Variants in SNX20 observed in about 807,000 individuals in gnomAD.
SNX20 encodes sorting nexin 20.
SNX20 carries 21 observed loss-of-function variants against 24.5 expected under a neutral mutation model. That is an observed-to-expected ratio of 0.86 (90% CI 0.61 to 1.23). The LOEUF (loss-of-function observed/expected upper bound fraction) is 1.23. Ranked by LOEUF, SNX20 falls within the 50% of genes most tolerant of loss-of-function variation. The probability of loss-of-function intolerance (pLI) is 0.00; values close to 1 mark genes in which losing one functional copy is unlikely to be tolerated. For missense variants in SNX20, 433 were observed against 430.8 expected, an observed-to-expected ratio of 1.00 and a Z score of -0.04; for synonymous variants, 206 against 192.8, an observed-to-expected ratio of 1.07 and a Z score of -0.57.
chr16:50,668,600 G>A, downstream of SNX20: 3 of 1,016,580 alleles, frequency 3.0e-6, no homozygotes, highest in Non-Finnish European at 3.5e-6. Flanking sequence ...AACAGGCTGT[G>A]GCATTGTTGG....
chr16:50,674,432 A>C (rs564757377), intron 3 of SNX20, among the ~76,000 whole-genome samples: 1 of 151,882 alleles, frequency 6.6e-6, no homozygotes, highest in South Asian at 2.1e-4. Flanking sequence ...TTTTTTTTAA[A>C]AGATGGGGTC....
chr16:50,677,580 G>T, intron 1 of SNX20, 45 bp from the exon 2 acceptor site: 1 of 1,450,194 alleles, frequency 6.9e-7, no homozygotes, highest in Non-Finnish European at 9.2e-7. Context: ...TCCAGTTGGG[G>T]TTCCCGGTGG....
chr16:50,680,571 G>A lies in SNX20; in HGVS notation c.-10+619C>T, dbSNP rs565695169. Among the ~76,000 whole-genome samples the A allele has an allele frequency of 8.5e-5, 13 of 152,296 alleles. 1 individual carries two copies. The South Asian group carries it at 2.3e-3, about 27-fold the overall frequency. On this transcript the variant is annotated intron_variant, in intron 1 of 3. Coordinates refer to ENST00000330943, the MANE Select transcript of SNX20 (RefSeq NM_182854.4). ...CACACTATCTTTCTGAGGGCCTGCG[G>A]AGGACTTTTCATGGGGGATGAGCCT...
chr16:50,674,070 T>C lies in SNX20; in HGVS notation c.287A>G (p.Tyr96Cys). ...CCCAGTCTGGATGACGATGATTTGG[T>C]ACACCTAGGGCGCAACCAGAGAGAG... ...EERKVSKFVV[Y>C]QIIVIQTGSF... Residue 96 changes from tyrosine to cysteine, a missense_variant, in exon 4 of 4, where the codon TAC becomes TGC. Transcript: ENST00000330943. 1 of 1,599,230 alleles carries C rather than the reference T, an allele frequency of 6.3e-7. No homozygotes were observed. The highest frequency in any genetic ancestry group is 8.5e-7 in the Non-Finnish European group (1 of 1,171,866).
downstream of SNX20, chr16:50,668,819 C>G: frequency 7.8e-7 from 1 of 1,278,586 alleles, no homozygotes; most frequent in Non-Finnish European, 9.9e-7. Context: ...AACAGAGTTC[C>G]AGCTATGGGG....
At chr16:50,674,145 T>C in intron 3 of SNX20, 71 bp from the exon 4 acceptor site, 1 of 1,504,320 alleles carries the variant, frequency 6.6e-7, no homozygotes, top group Non-Finnish European at 8.8e-7. Flanking sequence ...ACACCCAGAG[T>C]AAAGTTAACC....
At chr16:50,667,875 A>C, downstream of SNX20, 2 of 823,936 alleles carry the variant, frequency 2.4e-6, no homozygotes, top group East Asian at 5.4e-5. Context: ...CGGCGTGGGG[A>C]CTTTTGGAGG....
chr16:50,673,221 T>G lies in SNX20; in HGVS notation c.*185A>C. On this transcript the variant is annotated 3_prime_UTR_variant, in exon 4 of 4. Coordinates refer to ENST00000330943, the MANE Select transcript of SNX20 (RefSeq NM_182854.4). This position sits in a 1 kb window ranked among gnomAD's most constrained non-coding sequence, Gnocchi z 4.1. ...GAGGCTGAGGTGGGAGGATTGCTTG[T>G]GCCCAGGAGTTTGAGGCTGCAGTGA... 9.6e-7 allele frequency: 1 copy of G among 1,042,134 alleles called. No homozygotes were observed. The highest frequency in any genetic ancestry group is 3.3e-5 in the East Asian group (1 of 30,610). 64.6% of individuals were successfully genotyped at this position (1,042,134 alleles called of 1,614,324 possible).
At chr16:50,677,730 TCCA>T (rs1963217006) in intron 1 of SNX20, among the ~76,000 whole-genome samples, 195 bp from the exon 2 acceptor site, 1 of 152,220 alleles carries the variant, frequency 6.6e-6, no homozygotes, top group Non-Finnish European at 1.5e-5. Context: ...GGCAGGTTAC[TCCA>T]AGGCAGAGAA....
intron 2 of SNX20, 116 bp from the exon 3 acceptor site, chr16:50,676,037 G>C (rs772281093): frequency 7.0e-6 from 8 of 1,137,594 alleles, no homozygotes; most frequent in East Asian, 2.8e-5. Context: ...GAAGAGTATT[G>C]AATATCCCTC....
At chr16:50,674,476 G>C (rs185784272) in intron 3 of SNX20, among the ~76,000 whole-genome samples, 2 of 152,160 alleles carry the variant, frequency 1.3e-5, no homozygotes, top group East Asian at 3.9e-4. Flanking sequence ...TCCAACTCCT[G>C]GGCTCAAGCG....
intron 3 of SNX20, among the ~76,000 whole-genome samples, chr16:50,675,040 A>C (rs1377828071): frequency 1.3e-5 from 2 of 152,230 alleles, no homozygotes; most frequent in East Asian, 3.9e-4. Context: ...TCACCCAGTG[A>C]GGATTAAATG....
rs1567370297 is a variant in SNX20, at chr16:50,675,639, C to G, written c.282+131G>C. On this transcript the variant is annotated intron_variant, in intron 3 of 3. Coordinates refer to ENST00000330943, the MANE Select transcript of SNX20 (RefSeq NM_182854.4). The stretch of plus-strand genomic sequence containing the variant: ...AAATCTTGCTCTTTGGCCATTTTCT[C>G]CAGAAGAAAGCTGTGAGTTAGTGTG... 91 of 1,198,258 alleles carry G rather than the reference C, an allele frequency of 7.6e-5. 1 individual carries two copies. In the East Asian group the frequency reaches 2.1e-3, roughly 28 times the overall value. 74.2% of individuals were successfully genotyped at this position (1,198,258 alleles called of 1,614,324 possible). A position where few individuals can be genotyped will look rare whatever the true frequency, so the allele number is the denominator to read the frequency against.
In SNX20 at chr16:50,673,885, G is replaced by T. The variant is rs776272427; in HGVS notation, c.472C>A (p.Arg158=). The T allele has an allele frequency of 1.2e-6, 2 of 1,608,852 alleles. No individual in the cohort carries two copies. Among genetic ancestry groups the T allele is most frequent in the South Asian group, 1.1e-5 (1 of 90,864 alleles). Residue 158 remains arginine, a synonymous_variant, in exon 4 of 4, where the codon CGG becomes AGG. Coordinates refer to ENST00000330943, the MANE Select transcript of SNX20 (RefSeq NM_182854.4). The surrounding 1 kb of genome is among the most constrained non-coding windows in gnomAD (Gnocchi z 4.1). The part of the protein sequence containing the change: ...NFAEEMICER[R]RALQEYLGLL... ...CCCAGGTACTCCTGCAGGGCGCGCCGACGCTCACAGATCATCTCCTCAGCG... is the reference window on the plus strand; with the variant it reads ...CCCAGGTACTCCTGCAGGGCGCGCCTACGCTCACAGATCATCTCCTCAGCG...
intron 1 of SNX20, among the ~76,000 whole-genome samples, chr16:50,679,937 C>T (rs1567371975): frequency 6.6e-6 from 1 of 152,202 alleles, no homozygotes. Context: ...GCAGCTGGCT[C>T]CAGGTCAGAA....
Position 50,672,372 on chromosome 16 carries a change from C to T in SNX20, c.*1034G>A, listed in dbSNP as rs983637781. 2 of 152,244 alleles carry T rather than the reference C, an allele frequency of 1.3e-5. No homozygotes were observed. Among genetic ancestry groups the T allele is most frequent in the African/African-American group, 2.4e-5 (1 of 41,464 alleles). 9.4% of individuals were successfully genotyped at this position (152,244 alleles called of 1,614,324 possible). ...CCCTAGACAATGTGCTATGCCATCC[C>T]AGCCAGAAAAATTGTTGGCAACTTC... On this transcript the variant is annotated 3_prime_UTR_variant, in exon 4 of 4. Coordinates refer to ENST00000330943, the MANE Select transcript of SNX20 (RefSeq NM_182854.4).
At position 50,673,232 on chromosome 16, in the gene SNX20, T is replaced by C; in HGVS notation, c.*174A>G. The C allele has an allele frequency of 8.7e-7, 1 of 1,147,074 alleles. No individual in the cohort carries two copies. The highest frequency in any genetic ancestry group is 1.1e-6 in the Non-Finnish European group (1 of 900,072). 71.1% of individuals were successfully genotyped at this position (1,147,074 alleles called of 1,614,324 possible). A position where few individuals can be genotyped will look rare whatever the true frequency, so the allele number is the denominator to read the frequency against. Reference sequence around the variant, plus strand: ...GGGAGGATTGCTTGTGCCCAGGAGTTTGAGGCTGCAGTGAGACATAATTGA... The same window carrying C: ...GGGAGGATTGCTTGTGCCCAGGAGTCTGAGGCTGCAGTGAGACATAATTGA... On this transcript the variant is annotated 3_prime_UTR_variant, in exon 4 of 4. Coordinates refer to ENST00000330943, the MANE Select transcript of SNX20 (RefSeq NM_182854.4). This position sits in a 1 kb window ranked among gnomAD's most constrained non-coding sequence, Gnocchi z 4.1.
Position 50,673,751 on chromosome 16 carries a change from C to T in SNX20, c.606G>A (p.Pro202=), listed in dbSNP as rs747339593. 3 of 1,515,440 alleles carry T rather than the reference C, an allele frequency of 2.0e-6. No individual in the cohort carries two copies. Among genetic ancestry groups the T allele is most frequent in the Admixed American group, 2.1e-5 (1 of 47,834 alleles). 93.9% of individuals were successfully genotyped at this position (1,515,440 alleles called of 1,614,324 possible). ...CGCGCAGCAGCAGCTCCAGGGCGCG[C>T]GGGTACTGGCCGGCCCGCAGGCAGC... ...AFGCLRAGQY[P]RALELLLRVL... The change falls in exon 4 of 4, where the codon CCG becomes CCA. Residue 202 remains proline, a synonymous_variant. Coordinates refer to ENST00000330943, the MANE Select transcript of SNX20 (RefSeq NM_182854.4). This position sits in a 1 kb window ranked among gnomAD's most constrained non-coding sequence, Gnocchi z 4.1.
In SNX20 at chr16:50,675,950, C is replaced by T. The variant is rs749608349; in HGVS notation, c.131-29G>A. 6 of 1,573,262 alleles carry T rather than the reference C, an allele frequency of 3.8e-6. No individual in the cohort carries two copies. The South Asian group carries it at 4.6e-5, about 12-fold the overall frequency. On this transcript the variant is annotated intron_variant, in intron 2 of 3. Transcript: ENST00000330943. The stretch of plus-strand genomic sequence containing the variant: ...GAAGGACAACACCCTTAAGGATCTG[C>T]ACCCTGTCAGTGCACTTCCGAGGCA...
Sources: allele counts gnomAD v4.1 joint callset (sites outside exome capture counted in the v4.1 genomes callset), GRCh38; gene constraint gnomAD v4.1.1; non-coding constraint Gnocchi (gnomAD v3.1); transcripts MANE v1.5; gene names NCBI Gene and HGNC (gene_info 2026-07-23, HGNC 2026-07-21).